Variants in DNAH11 observed in about 807,000 individuals in gnomAD.
The protein encoded by DNAH11 is axonemal beta dynein heavy chain 11.
Under a neutral mutation model 526.0 loss-of-function variants are expected in DNAH11, and 442 were observed. The ratio of observed to expected loss-of-function variants is 0.84; its 90% CI spans 0.78 to 0.91. The LOEUF is 0.91. Among genes scored for constraint, DNAH11 ranks in the 40% least tolerant of loss-of-function variants. The pLI is 0.00. For missense variants in DNAH11, 6,989 were observed against 5,448.7 expected (o/e 1.28, Z -8.90); for synonymous variants, 2,461 against 1,935.9 (o/e 1.27, Z -7.12).
intron 48 of DNAH11, 32 bp downstream of exon 48, chr7:21,739,705 T>A: frequency 6.5e-7 from 1 of 1,527,512 alleles, no homozygotes; most frequent in South Asian, 1.2e-5. Context: ...TCAAAAACTG[T>A]AGGTCTGTAT....
At chr7:21,717,242 C>T (rs770974982) in intron 42 of DNAH11, among the ~76,000 whole-genome samples, 5 of 151,844 alleles carry the variant, frequency 3.3e-5, no homozygotes, top group African/African-American at 9.7e-5. Flanking sequence ...AAGCATGAAA[C>T]GCCATATCAG....
At chr7:21,556,757 T>C (rs1224214100) in intron 2 of DNAH11, among the ~76,000 whole-genome samples, 1 of 152,104 alleles carries the variant, frequency 6.6e-6, no homozygotes, top group Non-Finnish European at 1.5e-5. Flanking sequence ...CTCCTAGTTA[T>C]TAATATAAGT....
chr7:21,876,594 G>C lies in DNAH11; in HGVS notation c.12195+3093G>C, dbSNP rs144169544. 3.2e-3 allele frequency among the ~76,000 whole-genome samples: 484 copies of C among 152,330 alleles called. 2 individuals are homozygous for C. The highest frequency in any genetic ancestry group is 6.8e-3 in the Middle Eastern group (2 of 294). On this transcript the variant is annotated intron_variant, in intron 74 of 81. Transcript: ENST00000409508. ...AGTCCTGCCACATGAGAGTTTTACA[G>C]ATAGTCCATTCAGAAGTCATGTGTT...
chr7:21,679,909 G>A (rs1219871288), intron 30 of DNAH11, among the ~76,000 whole-genome samples: 9 of 152,038 alleles, frequency 5.9e-5, no homozygotes. Context: ...TAGGGTACAT[G>A]TGCACAACAT....
intron 74 of DNAH11, among the ~76,000 whole-genome samples, chr7:21,875,774 A>C (rs1226529884): frequency 6.6e-6 from 1 of 151,900 alleles, no homozygotes; most frequent in South Asian, 2.1e-4. Flanking sequence ...TGGTCTTTTC[A>C]TGAACCTGTC....
chr7:21,900,108 C>CTCTTCATGGAGGGTAAGA lies in DNAH11; in HGVS notation c.13292_13303+6dup. The CTCTTCATGGAGGGTAAGA allele has an allele frequency of 6.2e-7, 1 of 1,613,370 alleles. No homozygotes were observed. The highest frequency in any genetic ancestry group is 8.5e-7 in the Non-Finnish European group (1 of 1,179,632). ...AAGGGAAGGTGCATACCTCCACGGA[C>CTCTTCATGGAGGGTAAGA]TCTTCATGGAGGGTAAGACACCCCA... On this transcript the variant is annotated inframe_insertion, in exon 81 of 82. Coordinates refer to ENST00000409508, the MANE Select transcript of DNAH11 (RefSeq NM_001277115.2).
chr7:21,781,299 G>A (rs963287312), intron 57 of DNAH11, among the ~76,000 whole-genome samples: 6 of 152,174 alleles, frequency 3.9e-5, no homozygotes, highest in African/African-American at 1.4e-4. Flanking sequence ...GTCTTGCCGT[G>A]AACCTTGACA....
intron 25 of DNAH11, among the ~76,000 whole-genome samples, chr7:21,630,814 G>A (rs942585666): frequency 6.6e-6 from 1 of 152,118 alleles, no homozygotes; most frequent in Admixed American, 6.6e-5. Context: ...ATTTGGGTCA[G>A]TTCTATTTGG....
chr7:21,558,392 G>A (rs572130726), intron 2 of DNAH11, among the ~76,000 whole-genome samples: 1 of 152,282 alleles, frequency 6.6e-6, no homozygotes, highest in South Asian at 2.1e-4. Flanking sequence ...AATCCTCTGG[G>A]ATGCCACCTA....
chr7:21,754,068 G>A (rs1786524222), intron 54 of DNAH11, among the ~76,000 whole-genome samples: 1 of 152,110 alleles, frequency 6.6e-6, no homozygotes, highest in Non-Finnish European at 1.5e-5. Flanking sequence ...TAGCCTGCAG[G>A]TAAAGATATT....
chr7:21,815,490 T>A (rs1311339790), intron 63 of DNAH11, among the ~76,000 whole-genome samples: 1 of 152,154 alleles, frequency 6.6e-6, no homozygotes, highest in African/African-American at 2.4e-5. Context: ...TGGGAATCCT[T>A]TCAGCATTTT....
At chr7:21,628,847 A>C (rs769879946) in intron 25 of DNAH11, among the ~76,000 whole-genome samples, 1 of 152,004 alleles carries the variant, frequency 6.6e-6, no homozygotes, top group African/African-American at 2.4e-5. Flanking sequence ...TCTTTTCACA[A>C]AACCACCTTT....
At chr7:21,792,453 T>C (rs1433048462) in intron 61 of DNAH11, among the ~76,000 whole-genome samples, 3 of 152,222 alleles carry the variant, frequency 2.0e-5, no homozygotes, top group African/African-American at 7.2e-5. Context: ...CTTCAATTTT[T>C]TGAAAAAGTT....
intron 45 of DNAH11, among the ~76,000 whole-genome samples, chr7:21,727,036 T>C (rs13245680): frequency 0.87 from 121,021 of 138,380 alleles, 53,141 homozygotes; most frequent in African/African-American, 0.96. Flanking sequence ...GGGGTTCAAG[T>C]GACTCTCCTG....
rs1786689266 is a variant in DNAH11 at position 21,633,037 on chromosome 7, C to T, written c.4501-2834C>T. On this transcript the variant is annotated intron_variant, in intron 25 of 81. Transcript: ENST00000409508. ...AAAGCACGTCTCCCAAAGTGGCAGA[C>T]AAGACAGCTTGTGCTGGCGATCTCC... 2.0e-5 allele frequency among the ~76,000 whole-genome samples: 3 copies of T among 152,178 alleles called. No individual in the cohort carries two copies. The South Asian group carries it at 6.2e-4, about 32-fold the overall frequency.
At position 21,893,699 on chromosome 7, in the gene DNAH11, C is replaced by T. The variant is rs114983727; in HGVS notation, c.12751-924C>T. On this transcript the variant is annotated intron_variant, in intron 77 of 81. Coordinates refer to ENST00000409508, the MANE Select transcript of DNAH11 (RefSeq NM_001277115.2). ...TGCATGTCTGAGTACCATGTGCATACTCATACCTGTAATATATGTCTTTCA... is the reference window on the plus strand; with the variant it reads ...TGCATGTCTGAGTACCATGTGCATATTCATACCTGTAATATATGTCTTTCA... 1.2e-3 allele frequency among the ~76,000 whole-genome samples: 179 copies of T among 152,278 alleles called. 2 individuals are homozygous for T. The highest frequency in any genetic ancestry group is 4.1e-3 in the African/African-American group (170 of 41,552).
chr7:21,606,285 T>C, intron 18 of DNAH11, 141 bp from the exon 19 acceptor site: 1 of 680,680 alleles, frequency 1.5e-6, no homozygotes, highest in Non-Finnish European at 2.4e-6. Context: ...ATCATGCCAG[T>C]GCACTCCAGC....
intron 76 of DNAH11, among the ~76,000 whole-genome samples, chr7:21,890,322 T>C (rs1234069824): frequency 6.6e-6 from 1 of 152,232 alleles, no homozygotes; most frequent in African/African-American, 2.4e-5. Flanking sequence ...ACTTGTCACA[T>C]GTCTATAAAG....
chr7:21,576,689 C>G (rs140465608), intron 8 of DNAH11, among the ~76,000 whole-genome samples: 3 of 152,128 alleles, frequency 2.0e-5, no homozygotes, highest in Non-Finnish European at 4.4e-5. Context: ...TCAGCTTACT[C>G]GTGAAGACCT....
Sources: gnomAD v4.1 joint callset for allele counts (sites outside exome capture counted in the v4.1 genomes callset) on GRCh38, gnomAD v4.1.1 for gene constraint, MANE v1.5 for transcripts, NCBI Gene and HGNC (gene_info 2026-07-23, HGNC 2026-07-21) for gene names.